PLD5: variants seen among roughly 807,000 people sequenced by gnomAD.
PLD5 encodes phospholipase D family member 5.
In PLD5, 36 loss-of-function variants were observed where a neutral mutation model predicts 61.1. The ratio of observed to expected loss-of-function variants is 0.59; its 90% CI spans 0.45 to 0.78. The LOEUF is 0.78. Among genes scored for constraint, PLD5 ranks in the 30% least tolerant of loss-of-function variants. The pLI is 0.00. For synonymous variants in PLD5, 243 were observed against 242.8 expected (o/e 1.00, Z -0.01); for missense variants, 515 against 644.4 (o/e 0.80, Z 2.17).
At chr1:242,496,497 T>A (rs913135447) in intron 1 of PLD5, among the ~76,000 whole-genome samples, 1 of 152,220 alleles carries the variant, frequency 6.6e-6, no homozygotes, top group Non-Finnish European at 1.5e-5. Flanking sequence ...CCACTGGCAG[T>A]TTTTTAAAAA....
chr1:242,264,453 G>A (rs1030735308), intron 4 of PLD5, among the ~76,000 whole-genome samples: 58 of 152,194 alleles, frequency 3.8e-4, no homozygotes, highest in African/African-American at 1.4e-3. Context: ...AGGAGGAAGG[G>A]CCGCTGGGGC....
chr1:242,307,202 T>C (rs1676421202), intron 2 of PLD5, among the ~76,000 whole-genome samples: 1 of 152,176 alleles, frequency 6.6e-6, no homozygotes, highest in Non-Finnish European at 1.5e-5. Flanking sequence ...AACTGATGGG[T>C]ACCTGTCAAA....
intron 5 of PLD5, among the ~76,000 whole-genome samples, chr1:242,191,613 A>G (rs1237296977): frequency 2.6e-5 from 4 of 152,160 alleles, no homozygotes; most frequent in African/African-American, 9.7e-5. Flanking sequence ...AACGAAGGAA[A>G]GAGGAAAAAA....
intron 1 of PLD5, among the ~76,000 whole-genome samples, chr1:242,358,892 G>C (rs1558494676): frequency 2.6e-5 from 4 of 152,106 alleles, no homozygotes; most frequent in Non-Finnish European, 4.4e-5. Context: ...CAGATCTAGT[G>C]TCTACTTGTT....
chr1:242,293,839 G>A (rs994368569), intron 2 of PLD5, among the ~76,000 whole-genome samples: 2 of 152,060 alleles, frequency 1.3e-5, no homozygotes, highest in African/African-American at 4.8e-5. Flanking sequence ...GCTCCTTCTG[G>A]GACGCATGGC....
At chr1:242,111,592 A>G (rs967079219) in intron 7 of PLD5, among the ~76,000 whole-genome samples, 2 of 152,150 alleles carry the variant, frequency 1.3e-5, no homozygotes, top group African/African-American at 4.8e-5. Flanking sequence ...AATTCCATTA[A>G]CATACTGAAA....
chr1:242,342,812 C>T (rs1348592417), intron 2 of PLD5, among the ~76,000 whole-genome samples: 6 of 151,678 alleles, frequency 4.0e-5, no homozygotes, highest in Non-Finnish European at 8.8e-5. Flanking sequence ...AACTGAGGCT[C>T]ATTAAAAGAC....
chr1:242,167,078 G>GCAA (rs1666363025), intron 5 of PLD5, among the ~76,000 whole-genome samples: 1 of 58,664 alleles, frequency 1.7e-5, no homozygotes, highest in African/African-American at 7.6e-5. Context: ...AATAATAATA[G>GCAA]TAATAATAAT....
intron 2 of PLD5, among the ~76,000 whole-genome samples, chr1:242,342,751 C>A (rs1489458452): frequency 1.3e-5 from 2 of 149,122 alleles, no homozygotes. Flanking sequence ...TACAAAGAGA[C>A]AAAAAAAAAA....
chr1:242,209,381 T>C (rs1206167132), intron 5 of PLD5: 3 of 152,198 alleles, frequency 2.0e-5, no homozygotes, highest in African/African-American at 7.2e-5. Context: ...CTGTGCCTTA[T>C]TGCATTTTTT....
rs11361107 is a variant in PLD5 at position 242,404,875 on chromosome 1, A to ATTTTTTTTT, written c.190-56642_190-56634dup. Among the ~76,000 whole-genome samples the ATTTTTTTTT allele has an allele frequency of 8.5e-3, 640 of 75,366 alleles. 68 individuals are homozygous for ATTTTTTTTT. Among genetic ancestry groups the ATTTTTTTTT allele is most frequent in the African/African-American group, 0.03 (493 of 16,338 alleles). The allele number at this position is 75,366 out of a possible 152,430, so 49.4% of individuals were successfully genotyped here. On this transcript the variant is annotated intron_variant, in intron 1 of 9. Coordinates refer to ENST00000536534, the MANE Select transcript of PLD5 (RefSeq NM_001372062.1). ...CATGCCTCTTATCTGTTCCCTGCTA[A>ATTTTTTTTT]TTTTTTTTTTTTTTTTTTTTTTGAG...
At position 242,089,461 on chromosome 1, in the gene PLD5, A is replaced by C; in HGVS notation, c.*393T>G. On this transcript the variant is annotated 3_prime_UTR_variant, in exon 10 of 10. Coordinates refer to ENST00000536534, the MANE Select transcript of PLD5 (RefSeq NM_001372062.1). ...GTCTCTTCTCCAAGGCAAAATCCTCACCTTCCTCTCTAAATCAACAGTTCT... is the reference window on the plus strand; with the variant it reads ...GTCTCTTCTCCAAGGCAAAATCCTCCCCTTCCTCTCTAAATCAACAGTTCT... The C allele has an allele frequency of 2.3e-6, 1 of 430,516 alleles. No homozygotes were observed. Among genetic ancestry groups the C allele is most frequent in the Middle Eastern group, 6.0e-4 (1 of 1,672 alleles). The allele number at this position is 430,516 out of a possible 1,614,324, so 26.7% of individuals were successfully genotyped here.
intron 1 of PLD5, chr1:242,449,515 C>T: frequency 1.3e-6 from 2 of 1,488,106 alleles, no homozygotes; most frequent in Non-Finnish European, 1.8e-6. Flanking sequence ...AATTGCTGGC[C>T]TCAATGCTTT....
chr1:242,340,856 T>G (rs1659789543), intron 2 of PLD5, among the ~76,000 whole-genome samples: 1 of 152,082 alleles, frequency 6.6e-6, no homozygotes, highest in South Asian at 2.1e-4. Flanking sequence ...GAGGGAGAAG[T>G]ACTATTCATT....
rs112713097 is a variant in PLD5 at position 242,196,831 on chromosome 1, T to C, written c.735+23157A>G. 1.1e-4 allele frequency among the ~76,000 whole-genome samples: 17 copies of C among 152,306 alleles called. 1 individual carries two copies. The highest frequency in any genetic ancestry group is 4.1e-4 in the African/African-American group (17 of 41,568). On this transcript the variant is annotated intron_variant, in intron 5 of 9. Transcript: ENST00000536534. Reference sequence around the variant, plus strand: ...GTGTTTGGTGTGTATCTTTCCAGACTCTTTTCCACCCACATCTGTATACAC... The same window carrying C: ...GTGTTTGGTGTGTATCTTTCCAGACCCTTTTCCACCCACATCTGTATACAC...
At chr1:242,417,072 T>G (rs551600839) in intron 1 of PLD5, among the ~76,000 whole-genome samples, 1 of 152,320 alleles carries the variant, frequency 6.6e-6, no homozygotes, top group East Asian at 1.9e-4. Flanking sequence ...AGTTATAATT[T>G]TAAAGGATGG....
At chr1:242,337,025 T>A (rs529708607) in intron 2 of PLD5, among the ~76,000 whole-genome samples, 2 of 152,170 alleles carry the variant, frequency 1.3e-5, no homozygotes, top group East Asian at 3.9e-4. Flanking sequence ...ATGACCAAGT[T>A]TGCACAGTAG....
At chr1:242,444,194 C>T (rs1012777619) in intron 1 of PLD5, among the ~76,000 whole-genome samples, 4 of 152,134 alleles carry the variant, frequency 2.6e-5, no homozygotes, top group African/African-American at 9.7e-5. Context: ...TTCTAATGCT[C>T]TTGACACCAT....
intron 4 of PLD5, among the ~76,000 whole-genome samples, chr1:242,262,600 G>A (rs1673436256): frequency 6.6e-6 from 1 of 152,150 alleles, no homozygotes; most frequent in Admixed American, 6.5e-5. Context: ...AGTATTAAGA[G>A]ACCTGAAATA....
Sources: gnomAD v4.1 joint callset for allele counts (sites outside exome capture counted in the v4.1 genomes callset) on GRCh38, gnomAD v4.1.1 for gene constraint, MANE v1.5 for transcripts, NCBI Gene and HGNC (gene_info 2026-07-23, HGNC 2026-07-21) for gene names.